The following PFKFB4 variants were observed in gnomAD, a reference collection of about 807,000 sequenced individuals.
The protein encoded by PFKFB4 is 6-phosphofructo-2-kinase/fructose-2,6-biphosphatase 4, also known as 6-phosphofructo-2-kinase/fructose-2,6-bisphosphatase 4.
A neutral mutation model predicts 62.8 loss-of-function variants in PFKFB4; 42 were observed. The observed-to-expected ratio is 0.67, with a 90% confidence interval of 0.52 to 0.86. The LOEUF (loss-of-function observed/expected upper bound fraction) is 0.86, where lower values mean the gene tolerates loss of function less well. Among genes scored for constraint, PFKFB4 ranks in the 40% least tolerant of loss-of-function variants. The pLI, the probability that PFKFB4 is intolerant of heterozygous loss-of-function variation, is 0.00. For synonymous variants in PFKFB4, 204 were observed against 240.7 expected (o/e 0.85, Z 1.41); for missense variants, 475 against 627.2 (o/e 0.76, Z 2.59).
At chr3:48,549,455 C>T (rs1412839818) in intron 3 of PFKFB4, among the ~76,000 whole-genome samples, 1 of 152,126 alleles carries the variant, frequency 6.6e-6, no homozygotes, top group East Asian at 1.9e-4. Flanking sequence ...CAGCCATCCC[C>T]ACGGGGCGCT....
chr3:48,555,372 C>T (rs2043282151), intron 1 of PFKFB4, among the ~76,000 whole-genome samples: 1 of 152,206 alleles, frequency 6.6e-6, no homozygotes, highest in Non-Finnish European at 1.5e-5. Flanking sequence ...GGACTCATAT[C>T]ATGATCAAAG....
intron 4 of PFKFB4, 65 bp downstream of exon 4, chr3:48,543,515 A>G (rs761673322): frequency 1.4e-6 from 2 of 1,436,052 alleles, no homozygotes; most frequent in South Asian, 1.2e-5. Flanking sequence ...CCTGACGAGC[A>G]AAGGCACAGA....
At position 48,556,340 on chromosome 3, in the gene PFKFB4, G is replaced by A; in HGVS notation, c.97+341C>T. 1.9e-6 allele frequency: 1 copy of A among 526,014 alleles called. No individual in the cohort carries two copies. Among genetic ancestry groups the A allele is most frequent in the South Asian group, 1.7e-5 (1 of 59,006 alleles). 32.6% of individuals were successfully genotyped at this position (526,014 alleles called of 1,614,324 possible). A position where few individuals can be genotyped will look rare whatever the true frequency, so the allele number is the denominator to read the frequency against. ...CAGGAGAGAGGGAAGGGCCTGGGGT[G>A]CCCACAGGGTCCTCCCCAGACTGGG... On this transcript the variant is annotated intron_variant, in intron 1 of 13. Coordinates refer to ENST00000232375, the MANE Select transcript of PFKFB4 (RefSeq NM_004567.4). This position sits in a 1 kb window ranked among gnomAD's most constrained non-coding sequence, Gnocchi z 5.7.
chr3:48,523,642 G>A, intron 11 of PFKFB4, 43 bp from the exon 12 acceptor site: 2 of 1,614,030 alleles, frequency 1.2e-6, no homozygotes, highest in African/African-American at 1.3e-5. Flanking sequence ...AGAAATGCCT[G>A]GTGACAGTGC....
At chr3:48,552,799 C>T (rs1349808534) in intron 1 of PFKFB4, among the ~76,000 whole-genome samples, 1 of 152,222 alleles carries the variant, frequency 6.6e-6, no homozygotes, top group Non-Finnish European at 1.5e-5. Flanking sequence ...CAGCTCCAGC[C>T]TCCTCCCATG....
At chr3:48,544,268 G>A (rs906883109) in intron 3 of PFKFB4, among the ~76,000 whole-genome samples, 6 of 152,036 alleles carry the variant, frequency 3.9e-5, no homozygotes, top group Admixed American at 2.0e-4. Context: ...GGAACACTAG[G>A]GCTGGCCCTC....
chr3:48,525,436 G>T, intron 10 of PFKFB4, 129 bp downstream of exon 10: 1 of 538,312 alleles, frequency 1.9e-6, no homozygotes, highest in Non-Finnish European at 3.4e-6. Context: ...ACCCAGGCTG[G>T]CAGGCCTCTG....
chr3:48,544,297 T>A (rs1289133478), intron 3 of PFKFB4, among the ~76,000 whole-genome samples: 2 of 152,150 alleles, frequency 1.3e-5, no homozygotes, highest in Non-Finnish European at 2.9e-5. Context: ...TTAGGCTTAG[T>A]GCTCAACTTT....
At chr3:48,539,581 A>G (rs2042738768) in intron 5 of PFKFB4, 116 bp downstream of exon 5, 2 of 917,328 alleles carry the variant, frequency 2.2e-6, no homozygotes, top group Admixed American at 2.0e-5. Flanking sequence ...CCCAAATTAC[A>G]CTCAGGAGCC....
At chr3:48,523,982 T>A in intron 10 of PFKFB4, 152 bp from the exon 11 acceptor site, 2 of 845,964 alleles carry the variant, frequency 2.4e-6, no homozygotes, top group East Asian at 2.5e-5. Flanking sequence ...TCTGAGGCCA[T>A]GGGGGTGGGC....
chr3:48,517,771 C>CG lies in PFKFB4; in HGVS notation c.*1975dup, dbSNP rs1560143574. The CG allele has an allele frequency of 6.5e-6, 1 of 152,722 alleles. No homozygotes were observed. The highest frequency in any genetic ancestry group is 2.4e-5 in the African/African-American group (1 of 41,472). The allele number at this position is 152,722 out of a possible 1,614,324, so 9.5% of individuals were successfully genotyped here. A position where few individuals can be genotyped will look rare whatever the true frequency, so the allele number is the denominator to read the frequency against. The stretch of plus-strand genomic sequence containing the variant: ...TCAATACCATCCATTCTGGGGAACT[C>CG]GGGAAAATATCTGCAACATGGGCAC... On this transcript the variant is annotated 3_prime_UTR_variant, in exon 14 of 14. Transcript: ENST00000232375.
Position 48,539,260 on chromosome 3 carries a change from G to A in PFKFB4, c.504C>T (p.Asn168=). 6.2e-7 allele frequency: 1 copy of A among 1,613,220 alleles called. No individual in the cohort carries two copies. The highest frequency in any genetic ancestry group is 8.5e-7 in the Non-Finnish European group (1 of 1,179,252). The change falls in exon 6 of 14, where the codon AAC becomes AAT. Residue 168 remains asparagine (N), a synonymous_variant. Coordinates refer to ENST00000232375, the MANE Select transcript of PFKFB4 (RefSeq NM_004567.4). Reference sequence around the variant, plus strand: ...GGTCAGATGCACTACTCACCACGATGTTGGCAGCTATGACCTCAGGATCCA... The same window carrying A: ...GGTCAGATGCACTACTCACCACGATATTGGCAGCTATGACCTCAGGATCCA... ...ICVDPEVIAA[N]IVQVKLGSPD...
chr3:48,554,083 A>AC (rs781599393), intron 1 of PFKFB4, among the ~76,000 whole-genome samples: 6 of 152,120 alleles, frequency 3.9e-5, no homozygotes, highest in African/African-American at 9.7e-5. Flanking sequence ...GAGGTGCAGT[A>AC]CATCCCTCAG....
upstream of PFKFB4, among the ~76,000 whole-genome samples, chr3:48,560,260 G>A (rs540486786): frequency 1.6e-4 from 24 of 152,280 alleles, no homozygotes; most frequent in Admixed American, 1.6e-3. Context: ...GCTGCAGTGG[G>A]GCCTGCTGCT....
chr3:48,534,809 G>A (rs1447854548), intron 9 of PFKFB4, among the ~76,000 whole-genome samples: 2 of 151,722 alleles, frequency 1.3e-5, no homozygotes, highest in African/African-American at 4.8e-5. Context: ...GTCAGCAGAA[G>A]AGCATTTTTT....
At chr3:48,546,309 G>A (rs1293565081) in intron 3 of PFKFB4, among the ~76,000 whole-genome samples, 1 of 152,120 alleles carries the variant, frequency 6.6e-6, no homozygotes, top group Non-Finnish European at 1.5e-5. Context: ...ATAAGTTTGT[G>A]TGTGTGTGTC....
chr3:48,551,561 G>T (rs528300241), intron 1 of PFKFB4, among the ~76,000 whole-genome samples: 2 of 103,930 alleles, frequency 1.9e-5, no homozygotes, highest in Middle Eastern at 0.01. Flanking sequence ...TTGAGAGGGA[G>T]TCTCGCTCTG....
chr3:48,531,248 AC>A (rs1425454840), intron 9 of PFKFB4, among the ~76,000 whole-genome samples: 1 of 151,330 alleles, frequency 6.6e-6, no homozygotes, highest in Admixed American at 6.6e-5. Flanking sequence ...TGACTGTAAT[AC>A]CAGCAATTTG....
intron 12 of PFKFB4, among the ~76,000 whole-genome samples, chr3:48,522,624 A>T (rs578189335): frequency 6.6e-6 from 1 of 152,182 alleles, no homozygotes; most frequent in African/African-American, 2.4e-5. Flanking sequence ...CACCCAGAAT[A>T]AAGTCCAGGC....
Sources: allele counts gnomAD v4.1 joint callset (sites outside exome capture counted in the v4.1 genomes callset), GRCh38; gene constraint gnomAD v4.1.1; non-coding constraint Gnocchi (gnomAD v3.1); transcripts MANE v1.5; gene names NCBI Gene and HGNC (gene_info 2026-07-23, HGNC 2026-07-21).